Variants in ARHGEF18 observed in about 807,000 individuals in gnomAD.
ARHGEF18 encodes the protein rho guanine nucleotide exchange factor 18.
ARHGEF18 carries 93 observed loss-of-function variants against 155.7 expected under a neutral mutation model. The observed-to-expected ratio is 0.60, with a 90% CI of 0.50 to 0.71. ARHGEF18 has a LOEUF of 0.71. ARHGEF18 is among the 30% of genes least tolerant of loss of function. The pLI is 0.00. For missense variants in ARHGEF18, 1,593 were observed against 1,816.1 expected (o/e 0.88, Z 2.23); for synonymous variants, 742 against 753.1 (o/e 0.99, Z 0.24).
At chr19:7,372,664 G>C in intron 2 of ARHGEF18, 148 bp from the exon 3 acceptor site, 1 of 789,856 alleles carries the variant, frequency 1.3e-6, no homozygotes, top group Non-Finnish European at 1.7e-6. Flanking sequence ...CCCACCCGCT[G>C]TGAGGAGGGC....
At position 7,395,262 on chromosome 19, in the gene ARHGEF18, G is replaced by T; in HGVS notation, c.967+12059G>T. The T allele has an allele frequency of 1.0e-6, 1 of 986,156 alleles. No individual in the cohort carries two copies. The highest frequency in any genetic ancestry group is 4.7e-5 in the South Asian group (1 of 21,314). The allele number at this position is 986,156 out of a possible 1,614,324, so 61.1% of individuals were successfully genotyped here. A position where few individuals can be genotyped will look rare whatever the true frequency, so the allele number is the denominator to read the frequency against. ...ATCGGGCCGAGGTGAGGACGGCGGCGGGGCGGTCCCGAGGAAAACGGGGCT... is the reference window on the plus strand; with the variant it reads ...ATCGGGCCGAGGTGAGGACGGCGGCTGGGCGGTCCCGAGGAAAACGGGGCT... On this transcript the variant is annotated intron_variant, in intron 10 of 28. Transcript: ENST00000668164. This position sits in a 1 kb window ranked among gnomAD's most constrained non-coding sequence, Gnocchi z 5.0.
At chr19:7,388,208 A>C (rs1971190146) in intron 10 of ARHGEF18, among the ~76,000 whole-genome samples, 2 of 152,118 alleles carry the variant, frequency 1.3e-5, no homozygotes, top group Admixed American at 1.3e-4. Context: ...GCATTACCGT[A>C]TGGAGCACTT....
downstream of ARHGEF18, among the ~76,000 whole-genome samples, chr19:7,475,526 ACACACACACACACACACAAC>A (rs909705501): frequency 1.0e-4 from 8 of 76,568 alleles, no homozygotes; most frequent in South Asian, 7.7e-4. Flanking sequence ...AACTGTTTAA[ACACACACACACACACACAAC>A]CACACACACA....
rs572463665 is a variant in ARHGEF18 at position 7,363,514 on chromosome 19, G to A, written c.15+609G>A. On this transcript the variant is annotated intron_variant, in intron 2 of 28. Coordinates refer to ENST00000668164, the MANE Select transcript of ARHGEF18 (RefSeq NM_001367823.1). The stretch of plus-strand genomic sequence containing the variant: ...GATGAATGAAAGAGTAGAAAGGTGG[G>A]TGAATGGAAGGAAGGAAGAAAGATG... Among the ~76,000 whole-genome samples the A allele has an allele frequency of 7.2e-5, 11 of 151,960 alleles. No individual in the cohort carries two copies. The South Asian group carries it at 2.3e-3, about 32-fold the overall frequency.
intron 2 of ARHGEF18, among the ~76,000 whole-genome samples, chr19:7,371,315 G>A (rs1271455489): frequency 1.3e-5 from 2 of 152,094 alleles, no homozygotes; most frequent in African/African-American, 4.8e-5. Context: ...AGAAAGTTCT[G>A]GAGATAGATG....
At chr19:7,376,852 C>A in intron 5 of ARHGEF18, 95 bp downstream of exon 5, 1 of 889,722 alleles carries the variant, frequency 1.1e-6, no homozygotes, top group Non-Finnish European at 1.5e-6. Context: ...CATCCTTCAT[C>A]CTGGAGGGTC....
intron 10 of ARHGEF18, among the ~76,000 whole-genome samples, chr19:7,405,298 C>T (rs1295350031): frequency 1.3e-5 from 2 of 152,214 alleles, no homozygotes; most frequent in Non-Finnish European, 2.9e-5. Flanking sequence ...AGGGATTCCT[C>T]GGCTTGTAGC....
chr19:7,379,211 C>T, intron 7 of ARHGEF18, 45 bp downstream of exon 7: 1 of 1,226,742 alleles, frequency 8.2e-7, no homozygotes, highest in Non-Finnish European at 1.0e-6. Context: ...AAGTGGGAGA[C>T]AAAAGCAGGA....
chr19:7,475,280 C>T (rs1276869389), downstream of ARHGEF18, among the ~76,000 whole-genome samples: 1 of 152,086 alleles, frequency 6.6e-6, no homozygotes, highest in Non-Finnish European at 1.5e-5. Flanking sequence ...CTGTTCCCAG[C>T]CCCTAAAAGG....
chr19:7,467,833 C>T (rs1976757132), intron 26 of ARHGEF18, 149 bp downstream of exon 26: 6 of 779,278 alleles, frequency 7.7e-6, no homozygotes, highest in African/African-American at 1.9e-5. Flanking sequence ...ATTAACAGCT[C>T]ATGCCGCAGT....
chr19:7,378,390 C>T lies in ARHGEF18; in HGVS notation c.542-4C>T, dbSNP rs1970561964. The T allele has an allele frequency of 2.4e-6, 3 of 1,234,424 alleles. No homozygotes were observed. The highest frequency in any genetic ancestry group is 1.5e-5 in the African/African-American group (1 of 64,602). The allele number at this position is 1,234,424 out of a possible 1,614,324, so 76.5% of individuals were successfully genotyped here. A position where few individuals can be genotyped will look rare whatever the true frequency, so the allele number is the denominator to read the frequency against. The stretch of plus-strand genomic sequence containing the variant: ...TGCTTCCTGGGATGGGGGGCTTCTT[C>T]CAGGCCTGGAACCTCCAGTGCTGGA... On this transcript the variant is annotated splice_polypyrimidine_tract_variant and splice_region_variant and intron_variant, in intron 5 of 28. Coordinates refer to ENST00000668164, the MANE Select transcript of ARHGEF18 (RefSeq NM_001367823.1).
intron 20 of ARHGEF18, 111 bp downstream of exon 20, chr19:7,460,105 G>A (rs796134734): frequency 9.6e-5 from 102 of 1,063,240 alleles, no homozygotes; most frequent in Admixed American, 9.5e-4. Context: ...GTGTTTTCCC[G>A]TGGGCTGTGC....
Position 7,448,592 on chromosome 19 carries a change from C to T in ARHGEF18, c.1737+1424C>T, listed in dbSNP as rs572359882. Among the ~76,000 whole-genome samples the T allele has an allele frequency of 4.6e-5, 7 of 151,566 alleles. No individual in the cohort carries two copies. In the South Asian group the frequency reaches 6.3e-4, roughly 14 times the overall value. On this transcript the variant is annotated intron_variant, in intron 15 of 28. Coordinates refer to ENST00000668164, the MANE Select transcript of ARHGEF18 (RefSeq NM_001367823.1). Reference sequence around the variant, plus strand: ...AGAAGAATGGTGTGAACCCGGGAGGCGGAGCGTGCAGTGAGCTGAGATCGC... The same window carrying T: ...AGAAGAATGGTGTGAACCCGGGAGGTGGAGCGTGCAGTGAGCTGAGATCGC...
intron 1 of ARHGEF18, among the ~76,000 whole-genome samples, chr19:7,358,919 G>A (rs1481930402): frequency 1.3e-5 from 2 of 152,334 alleles, no homozygotes; most frequent in African/African-American, 4.8e-5. Context: ...AAGTGGATCA[G>A]ATATAGTCAC....
chr19:7,474,161 A>C (rs983702327), downstream of ARHGEF18, among the ~76,000 whole-genome samples: 59 of 151,978 alleles, frequency 3.9e-4, no homozygotes, highest in African/African-American at 1.4e-3. Flanking sequence ...CAACATGTTG[A>C]AACCCCATCT....
the ARHGEF18 span, among the ~76,000 whole-genome samples, chr19:7,479,067 A>G: frequency 9.9e-5 from 15 of 152,060 alleles, no homozygotes; most frequent in Admixed American, 7.9e-4. Context: ...CCTGGTCACA[A>G]CTCCTCTGGC....
chr19:7,440,264 G>A lies in ARHGEF18; in HGVS notation c.968-80G>A, dbSNP rs2145772225. 3 of 1,558,190 alleles carry A rather than the reference G, an allele frequency of 1.9e-6. No individual in the cohort carries two copies. Among genetic ancestry groups the A allele is most frequent in the Non-Finnish European group, 2.6e-6 (3 of 1,150,986 alleles). ...TCCTGTCTGTGCTGCGGCCGCAGTC[G>A]GAGCGGGGCTTCCGCGCCGGGGACC... On this transcript the variant is annotated intron_variant, in intron 10 of 28. Transcript: ENST00000668164. The surrounding 1 kb of genome is among the most constrained non-coding windows in gnomAD (Gnocchi z 5.4).
intron 19 of ARHGEF18, 131 bp from the exon 20 acceptor site, chr19:7,459,772 G>T: frequency 1.4e-6 from 1 of 710,764 alleles, no homozygotes; most frequent in South Asian, 1.9e-5. Flanking sequence ...TCGTCCTCCT[G>T]CACCACGAAC....
intron 18 of ARHGEF18, among the ~76,000 whole-genome samples, chr19:7,457,351 C>CTTTTTTTTTT (rs1427736673): frequency 2.4e-5 from 3 of 126,742 alleles, no homozygotes; most frequent in Non-Finnish European, 4.6e-5. Flanking sequence ...ATAATCACCT[C>CTTTTTTTTTT]TCTTTTTTTT....
Sources: allele counts gnomAD v4.1 joint callset (sites outside exome capture counted in the v4.1 genomes callset), GRCh38; gene constraint gnomAD v4.1.1; non-coding constraint Gnocchi (gnomAD v3.1); transcripts MANE v1.5; gene names NCBI Gene and HGNC (gene_info 2026-07-23, HGNC 2026-07-21).